Variants in SPTLC2 observed in about 807,000 individuals in gnomAD.
SPTLC2 encodes serine palmitoyltransferase 2.
In SPTLC2, 21 loss-of-function variants were observed where a neutral mutation model predicts 62.0. The ratio of observed to expected loss-of-function variants is 0.34; its 90% confidence interval spans 0.24 to 0.49. SPTLC2 has a LOEUF of 0.49. Ranked by LOEUF, SPTLC2 falls within the 20% of genes least tolerant of loss-of-function variation. The probability of loss-of-function intolerance (pLI) is 0.99; values close to 1 mark genes in which losing one functional copy is unlikely to be tolerated. For missense variants in SPTLC2, 511 were observed against 713.0 expected (o/e 0.72, Z 3.23); for synonymous variants, 261 against 261.8 (o/e 1.00, Z 0.03).
chr14:77,531,445 TCC>T (rs1566770722), intron 9 of SPTLC2, among the ~76,000 whole-genome samples: 35 of 136,234 alleles, frequency 2.6e-4, no homozygotes, highest in African/African-American at 1.0e-3. Context: ...CTTCTTCTTC[TCC>T]TCCTTCTCCT....
At chr14:77,586,869 T>C (rs2079784413) in intron 2 of SPTLC2, among the ~76,000 whole-genome samples, 3 of 152,164 alleles carry the variant, frequency 2.0e-5, no homozygotes. Flanking sequence ...CTAGTACATA[T>C]ATACCAATTG....
At chr14:77,551,881 A>T (rs551165725) in intron 9 of SPTLC2, among the ~76,000 whole-genome samples, 48 of 152,318 alleles carry the variant, frequency 3.2e-4, no homozygotes, top group African/African-American at 1.1e-3. Context: ...AAAGCCTCCC[A>T]TCTATAAACA....
chr14:77,530,984 G>A (rs971899251), intron 9 of SPTLC2, among the ~76,000 whole-genome samples: 1 of 152,110 alleles, frequency 6.6e-6, no homozygotes, highest in African/African-American at 2.4e-5. Context: ...CCCTAACACC[G>A]CCTCCGCCAC....
intron 4 of SPTLC2, among the ~76,000 whole-genome samples, chr14:77,572,999 T>C (rs189524616): frequency 1.3e-5 from 2 of 152,368 alleles, no homozygotes; most frequent in African/African-American, 4.8e-5. Flanking sequence ...TTATAATTTG[T>C]GGGTTCACTG....
intron 5 of SPTLC2, among the ~76,000 whole-genome samples, chr14:77,566,978 C>CT (rs72184678): frequency 5.1e-4 from 77 of 149,714 alleles, no homozygotes; most frequent in African/African-American, 1.4e-3. Flanking sequence ...GAATATAAAT[C>CT]TTTTTTTTTT....
chr14:77,596,288 G>T (rs1006578630), intron 2 of SPTLC2, among the ~76,000 whole-genome samples: 1 of 151,392 alleles, frequency 6.6e-6, no homozygotes, highest in Non-Finnish European at 1.5e-5. Flanking sequence ...GCAGTGAGCC[G>T]AGACCGAGCC....
chr14:77,513,200 C>G (rs12433414), intron 11 of SPTLC2, among the ~76,000 whole-genome samples: 130,095 of 151,398 alleles, frequency 0.86, 56,849 homozygotes, highest in East Asian at 1. Context: ...AATTTTTGTC[C>G]AGACAGGGTT....
chr14:77,549,601 G>T (rs2079545777), intron 9 of SPTLC2, among the ~76,000 whole-genome samples: 1 of 152,100 alleles, frequency 6.6e-6, no homozygotes, highest in African/African-American at 2.4e-5. Flanking sequence ...AGTCTTCCAG[G>T]CCAGCCCCAG....
chr14:77,519,422 G>A lies in SPTLC2; in HGVS notation c.1440-1255C>T, dbSNP rs532033331. Among the ~76,000 whole-genome samples, 11 of 151,774 alleles carry A rather than the reference G, an allele frequency of 7.2e-5. No individual in the cohort carries two copies. The South Asian group carries it at 2.3e-3, about 32-fold the overall frequency. The stretch of plus-strand genomic sequence containing the variant: ...TAAGCTGTTTACAGCATTTGTTTGA[G>A]AATAAAAAAATGTGGCCGGGCCAGT... On this transcript the variant is annotated intron_variant, in intron 10 of 11. Coordinates refer to ENST00000216484, the MANE Select transcript of SPTLC2 (RefSeq NM_004863.4).
intron 9 of SPTLC2, among the ~76,000 whole-genome samples, chr14:77,525,086 C>T (rs560435967): frequency 1.3e-3 from 194 of 152,152 alleles, no homozygotes; most frequent in African/African-American, 4.4e-3. Flanking sequence ...ATACCGTATG[C>T]ATCTATCAAA....
chr14:77,567,018 T>C (rs574961380), intron 5 of SPTLC2, among the ~76,000 whole-genome samples: 325 of 152,276 alleles, frequency 2.1e-3, no homozygotes, highest in African/African-American at 7.2e-3. Context: ...TCCCCCAGGC[T>C]GGAGTGCAGT....
At chr14:77,583,062 T>C (rs1411065462) in intron 2 of SPTLC2, among the ~76,000 whole-genome samples, 1 of 151,964 alleles carries the variant, frequency 6.6e-6, no homozygotes. Context: ...TAGCCAGGTG[T>C]GGTGGCATGT....
At chr14:77,602,353 A>C (rs1335400651) in intron 1 of SPTLC2, among the ~76,000 whole-genome samples, 1 of 152,108 alleles carries the variant, frequency 6.6e-6, no homozygotes, top group African/African-American at 2.4e-5. Context: ...TTAAAACCTG[A>C]TACTCCTCTT....
At chr14:77,610,531 A>T (rs990848778) in intron 1 of SPTLC2, among the ~76,000 whole-genome samples, 1 of 152,074 alleles carries the variant, frequency 6.6e-6, no homozygotes, top group Non-Finnish European at 1.5e-5. Flanking sequence ...AGCAATCCTT[A>T]CACCTTGGCT....
intron 8 of SPTLC2, among the ~76,000 whole-genome samples, chr14:77,553,791 T>A (rs2079568218): frequency 6.6e-6 from 1 of 151,190 alleles, no homozygotes. Flanking sequence ...ATGAGTTCTC[T>A]CTAACAGGCA....
At position 77,557,052 on chromosome 14, in the gene SPTLC2, T is replaced by C; in HGVS notation, c.945A>G (p.Glu315=). ...TAAAGCAGGATTACCTATATATTCC[T>C]TCCACAAGGATGAGAATTTTCTTCC... is the stretch of plus-strand genomic sequence containing the variant. ...RPWKKILILV[E]GIYSMEGSIV... The change falls in exon 7 of 12, where the codon GAA becomes GAG. Residue 315 remains glutamate, a synonymous_variant. Transcript: ENST00000216484. 1 of 1,613,870 alleles carries C rather than the reference T, an allele frequency of 6.2e-7. No homozygotes were observed. The highest frequency in any genetic ancestry group is 8.5e-7 in the Non-Finnish European group (1 of 1,179,882).
intron 2 of SPTLC2, among the ~76,000 whole-genome samples, chr14:77,580,959 A>C (rs2079746734): frequency 6.6e-6 from 1 of 152,270 alleles, no homozygotes; most frequent in Non-Finnish European, 1.5e-5. Flanking sequence ...CTAAAACTTA[A>C]GTCTGTAAAA....
intron 5 of SPTLC2, among the ~76,000 whole-genome samples, chr14:77,567,770 CCTT>C (rs1461320722): frequency 6.6e-6 from 1 of 151,218 alleles, no homozygotes; most frequent in Admixed American, 6.6e-5. Flanking sequence ...TTATATTCTT[CCTT>C]CTGCTTAGTT....
chr14:77,610,803 C>T (rs990918650), intron 1 of SPTLC2, among the ~76,000 whole-genome samples: 1 of 151,776 alleles, frequency 6.6e-6, no homozygotes, highest in African/African-American at 2.4e-5. Context: ...CTCAGCACTT[C>T]AGGAGGCCAA....
Sources: allele counts gnomAD v4.1 joint callset (sites outside exome capture counted in the v4.1 genomes callset), GRCh38; gene constraint gnomAD v4.1.1; transcripts MANE v1.5; gene names NCBI Gene and HGNC (gene_info 2026-07-23, HGNC 2026-07-21).